The following HSF5 variants were observed in gnomAD, a reference collection of about 807,000 sequenced individuals.
HSF5 encodes the protein heat shock transcription factor 5.
Under a neutral mutation model 50.8 loss-of-function variants are expected in HSF5, and 5 were observed. The ratio of observed to expected loss-of-function variants is 0.10; its 90% CI spans 0.05 to 0.21. The LOEUF (loss-of-function observed/expected upper bound fraction) is 0.21, where lower values mean the gene tolerates loss of function less well. Among genes scored for constraint, HSF5 ranks in the 10% least tolerant of loss-of-function variants. HSF5 has a pLI of 1.00. For synonymous variants in HSF5, 307 were observed against 307.4 expected (o/e 1.00, Z 0.02); for missense variants, 564 against 762.6 (o/e 0.74, Z 3.07).
chr17:58,472,493 A>G (rs1326054610), intron 2 of HSF5, among the ~76,000 whole-genome samples: 1 of 152,212 alleles, frequency 6.6e-6, no homozygotes, highest in Non-Finnish European at 1.5e-5. Flanking sequence ...AATAAAAATA[A>G]AAATAAACAC....
intron 5 of HSF5, among the ~76,000 whole-genome samples, chr17:58,452,576 G>A (rs1047909178): frequency 6.6e-6 from 1 of 152,238 alleles, no homozygotes; most frequent in African/African-American, 2.4e-5. Context: ...TTGCGATGCT[G>A]AGGCAGGAGG....
Position 58,450,753 on chromosome 17 carries a change from CA to C in HSF5, c.1720+8014del, listed in dbSNP as rs35586395. ...GGGCAACAAGAGCGAAACTCCATCT[CA>C]AAAAAAAAAAAAAGGACTTTAATTA... On this transcript the variant is annotated intron_variant, in intron 5 of 5. Coordinates refer to ENST00000323777, the MANE Select transcript of HSF5 (RefSeq NM_001080439.3). Among the ~76,000 whole-genome samples, 517 of 125,176 alleles carry C rather than the reference CA, an allele frequency of 4.1e-3. 2 individuals are homozygous for C. The highest frequency in any genetic ancestry group is 3.3e-3 in the Admixed American group (40 of 12,060). The allele number at this position is 125,176 out of a possible 152,430, so 82.1% of individuals were successfully genotyped here. A position where few individuals can be genotyped will look rare whatever the true frequency, so the allele number is the denominator to read the frequency against.
At chr17:58,464,139 A>G (rs1974831351) in intron 3 of HSF5, among the ~76,000 whole-genome samples, 1 of 152,242 alleles carries the variant, frequency 6.6e-6, no homozygotes, top group South Asian at 2.1e-4. Flanking sequence ...GCTGCTAAAC[A>G]CAATCATTAA....
At chr17:58,422,459 T>A in intron 5 of HSF5, 29 bp from the exon 6 acceptor site, 1 of 1,591,376 alleles carries the variant, frequency 6.3e-7, no homozygotes. Context: ...TTACTCCCTC[T>A]TAGCCTCTCT....
At chr17:58,468,226 C>T (rs541767552) in intron 2 of HSF5, among the ~76,000 whole-genome samples, 3 of 152,044 alleles carry the variant, frequency 2.0e-5, no homozygotes, top group South Asian at 2.1e-4. Flanking sequence ...GGTGAAACCC[C>T]GTCTCTACAA....
Position 58,488,329 on chromosome 17 carries a change from C to T in HSF5, c.-55G>A, listed in dbSNP as rs1263253504. ...GAGCCTAGCTCTCCCACACCGTTCT[C>T]GATCCCTCCCCGGCCTTCGCCTCGC... On this transcript the variant is annotated 5_prime_UTR_variant, in exon 1 of 6. Coordinates refer to ENST00000323777, the MANE Select transcript of HSF5 (RefSeq NM_001080439.3). This position sits in a 1 kb window ranked among gnomAD's most constrained non-coding sequence, Gnocchi z 4.1. 6.4e-6 allele frequency: 9 copies of T among 1,398,590 alleles called. No homozygotes were observed. The East Asian group carries it at 8.7e-5, about 14-fold the overall frequency. The allele number at this position is 1,398,590 out of a possible 1,614,324, so 86.6% of individuals were successfully genotyped here.
At chr17:58,485,348 TGTTG>T (rs567388645) in intron 1 of HSF5, among the ~76,000 whole-genome samples, 30 of 152,318 alleles carry the variant, frequency 2.0e-4, no homozygotes, top group Admixed American at 1.8e-3. Flanking sequence ...GATTACACCC[TGTTG>T]GTTTCTTGGT....
intron 5 of HSF5, among the ~76,000 whole-genome samples, chr17:58,436,119 T>A (rs1482018946): frequency 6.6e-6 from 1 of 152,152 alleles, no homozygotes; most frequent in Non-Finnish European, 1.5e-5. Flanking sequence ...CAGGTTTTAA[T>A]GCAGGTTTTT....
chr17:58,444,692 C>A (rs1363040261), intron 5 of HSF5, among the ~76,000 whole-genome samples: 1 of 152,098 alleles, frequency 6.6e-6, no homozygotes, highest in African/African-American at 2.4e-5. Context: ...CTGGATATGA[C>A]ACACAAAGCA....
chr17:58,478,627 C>T (rs1417169733), intron 2 of HSF5, among the ~76,000 whole-genome samples: 1 of 151,322 alleles, frequency 6.6e-6, no homozygotes, highest in Non-Finnish European at 1.5e-5. Context: ...TTTGGGAGCC[C>T]AAGGTGGGTG....
At chr17:58,484,148 T>C (rs1975135641) in intron 1 of HSF5, among the ~76,000 whole-genome samples, 1 of 149,900 alleles carries the variant, frequency 6.7e-6, no homozygotes, top group African/African-American at 2.5e-5. Context: ...AAACCTATGG[T>C]ATAGACAGTC....
rs192485050 is a variant in HSF5 at position 58,462,866 on chromosome 17, G to A, written c.1458C>T (p.Val486=). The change falls in exon 4 of 6, where the codon GTC becomes GTT. Residue 486 remains valine, a synonymous_variant. Coordinates refer to ENST00000323777, the MANE Select transcript of HSF5 (RefSeq NM_001080439.3). ...QESAAIQQAH[V]KLKEHLNHNP... is the part of the protein sequence containing the mutation. ...TATGATTTAGGTGCTCCTTCAGTTT[G>A]ACATGAGCTTGCTGGATGGCTGCAG... 4 of 1,614,118 alleles carry A rather than the reference G, an allele frequency of 2.5e-6. No individual in the cohort carries two copies. Among genetic ancestry groups the A allele is most frequent in the Non-Finnish European group, 3.4e-6 (4 of 1,179,992 alleles).
intron 2 of HSF5, among the ~76,000 whole-genome samples, chr17:58,478,795 G>A (rs1471887876): frequency 1.3e-5 from 2 of 150,182 alleles, no homozygotes; most frequent in Admixed American, 6.6e-5. Flanking sequence ...CCCAGGAGGC[G>A]GAGGTTGCAG....
chr17:58,451,685 A>G (rs1284788543), intron 5 of HSF5, among the ~76,000 whole-genome samples: 2 of 152,152 alleles, frequency 1.3e-5, no homozygotes, highest in Non-Finnish European at 2.9e-5. Context: ...GATACAGCAA[A>G]TGCTGTCCTA....
chr17:58,427,759 G>T (rs1269416658), intron 5 of HSF5, among the ~76,000 whole-genome samples: 1 of 152,156 alleles, frequency 6.6e-6, no homozygotes, highest in Admixed American at 6.5e-5. Flanking sequence ...CCCCACAAGG[G>T]GTGCCTCCTC....
chr17:58,450,104 G>A (rs1236259187), intron 5 of HSF5, among the ~76,000 whole-genome samples: 3 of 151,240 alleles, frequency 2.0e-5, no homozygotes, highest in Admixed American at 1.3e-4. Context: ...GGGAGGCCAA[G>A]GCAGGCAGAT....
At chr17:58,445,256 G>A (rs1054597655) in intron 5 of HSF5, among the ~76,000 whole-genome samples, 1 of 152,176 alleles carries the variant, frequency 6.6e-6, no homozygotes, top group African/African-American at 2.4e-5. Flanking sequence ...ATCCATTACT[G>A]GATACATGCA....
At chr17:58,455,602 A>G (rs977438013) in intron 5 of HSF5, among the ~76,000 whole-genome samples, 2 of 152,160 alleles carry the variant, frequency 1.3e-5, no homozygotes, top group Admixed American at 1.3e-4. Flanking sequence ...TGCACAATAC[A>G]TAAGGAATTT....
At chr17:58,481,557 G>A (rs7211133) in intron 1 of HSF5, among the ~76,000 whole-genome samples, 127,156 of 152,274 alleles carry the variant, frequency 0.84, 53,244 homozygotes, top group East Asian at 1. Flanking sequence ...TCTGTAAAAC[G>A]GAGGGAAAAC....
Sources: gnomAD v4.1 joint callset for allele counts (sites outside exome capture counted in the v4.1 genomes callset) on GRCh38, gnomAD v4.1.1 for gene constraint, Gnocchi (gnomAD v3.1) non-coding constraint, MANE v1.5 for transcripts, NCBI Gene and HGNC (gene_info 2026-07-23, HGNC 2026-07-21) for gene names.